The following ARHGAP42 variants were observed in gnomAD, a reference collection of about 807,000 sequenced individuals.
The protein encoded by ARHGAP42 is rho GTPase-activating protein 42.
ARHGAP42 carries 63 observed loss-of-function variants against 125.0 expected under a neutral mutation model. That is an observed-to-expected ratio of 0.50 (90% CI 0.41 to 0.62). The LOEUF is 0.62. ARHGAP42 is among the 20% of genes least tolerant of loss of function. The probability of loss-of-function intolerance (pLI) is 0.00; values close to 1 mark genes in which losing one functional copy is unlikely to be tolerated. For missense variants in ARHGAP42, 766 were observed against 1,024.2 expected (o/e 0.75, Z 3.44); for synonymous variants, 339 against 351.0 (o/e 0.97, Z 0.38).
chr11:100,909,623 C>T (rs1221442350), intron 4 of ARHGAP42, among the ~76,000 whole-genome samples: 1 of 152,106 alleles, frequency 6.6e-6, no homozygotes, highest in Non-Finnish European at 1.5e-5. Flanking sequence ...CATGAGCCAC[C>T]GGCATCCAGC....
chr11:100,690,423 A>G lies in ARHGAP42; in HGVS notation c.154+2591A>G, dbSNP rs116419292. Reference sequence around the variant, plus strand: ...GTAATACACGCCTGACTATTCCAATAAGAGTCACACATGCTCCTTGCTCTG... The same window carrying G: ...GTAATACACGCCTGACTATTCCAATGAGAGTCACACATGCTCCTTGCTCTG... On this transcript the variant is annotated intron_variant, in intron 1 of 23. Transcript: ENST00000298815. Among the ~76,000 whole-genome samples the G allele has an allele frequency of 9.6e-3, 1,467 of 152,248 alleles. 27 individuals carry two copies. Among genetic ancestry groups the G allele is most frequent in the African/African-American group, 0.033 (1,381 of 41,532 alleles).
intron 1 of ARHGAP42, among the ~76,000 whole-genome samples, chr11:100,756,893 T>C (rs1862591438): frequency 6.6e-6 from 1 of 152,226 alleles, no homozygotes; most frequent in African/African-American, 2.4e-5. Context: ...TGAATGAGTT[T>C]TACTTTGTGC....
chr11:100,835,021 T>TA (rs1864753099), intron 3 of ARHGAP42, among the ~76,000 whole-genome samples: 1 of 152,022 alleles, frequency 6.6e-6, no homozygotes, highest in African/African-American at 2.4e-5. Flanking sequence ...TTCATCTGAG[T>TA]GAAATAATGT....
intron 17 of ARHGAP42, among the ~76,000 whole-genome samples, chr11:100,967,982 A>G (rs576146810): frequency 9.2e-5 from 14 of 152,278 alleles, no homozygotes; most frequent in East Asian, 7.7e-4. Flanking sequence ...TCAACATCCC[A>G]AAGTACTGGG....
chr11:100,970,728 G>A (rs1157551787), intron 17 of ARHGAP42, among the ~76,000 whole-genome samples: 1 of 152,020 alleles, frequency 6.6e-6, no homozygotes, highest in Non-Finnish European at 1.5e-5. Context: ...TAAAATCTTT[G>A]ACCCATTGCT....
chr11:100,691,614 C>T (rs1183765004), intron 1 of ARHGAP42, among the ~76,000 whole-genome samples: 1 of 152,156 alleles, frequency 6.6e-6, no homozygotes, highest in Non-Finnish European at 1.5e-5. Flanking sequence ...CTCCCAGGCT[C>T]AGGTGATCCT....
At chr11:100,909,126 A>T (rs1252735880) in intron 4 of ARHGAP42, among the ~76,000 whole-genome samples, 2 of 151,984 alleles carry the variant, frequency 1.3e-5, no homozygotes, top group Non-Finnish European at 2.9e-5. Flanking sequence ...TAGGTTATGG[A>T]TATTAGCCCT....
intron 3 of ARHGAP42, among the ~76,000 whole-genome samples, chr11:100,828,793 T>A (rs1344723755): frequency 6.6e-6 from 1 of 151,656 alleles, no homozygotes; most frequent in African/African-American, 2.4e-5. Context: ...GCTCAAGTGA[T>A]CCTCCCGCCT....
At chr11:100,831,430 A>T (rs1420247999) in intron 3 of ARHGAP42, among the ~76,000 whole-genome samples, 1 of 152,244 alleles carries the variant, frequency 6.6e-6, no homozygotes, top group Non-Finnish European at 1.5e-5. Context: ...CCACATCGTT[A>T]GGATATTATA....
At chr11:100,986,091 ATAC>A (rs1858671999) in intron 22 of ARHGAP42, 1 of 456,596 alleles carries the variant, frequency 2.2e-6, no homozygotes, top group African/African-American at 2.0e-5. Context: ...TTCCTGAGTT[ATAC>A]TACTAAGCAT....
chr11:100,747,013 C>A (rs1862321871), intron 1 of ARHGAP42, among the ~76,000 whole-genome samples: 1 of 152,078 alleles, frequency 6.6e-6, no homozygotes, highest in African/African-American at 2.4e-5. Flanking sequence ...AGGGTCCTTC[C>A]CAGGCTGGCT....
At chr11:100,769,531 C>T (rs1862919768) in intron 1 of ARHGAP42, among the ~76,000 whole-genome samples, 1 of 152,088 alleles carries the variant, frequency 6.6e-6, no homozygotes, top group Non-Finnish European at 1.5e-5. Context: ...TAACTTGAGT[C>T]TCAAAGTTAT....
chr11:100,936,177 G>T, intron 7 of ARHGAP42, 26 bp from the exon 8 acceptor site: 1 of 1,549,866 alleles, frequency 6.5e-7, no homozygotes, highest in Non-Finnish European at 8.7e-7. Context: ...AATAATGACT[G>T]AAATTATTGT....
intron 4 of ARHGAP42, among the ~76,000 whole-genome samples, chr11:100,911,479 T>A (rs994891251): frequency 3.9e-5 from 6 of 152,082 alleles, no homozygotes; most frequent in African/African-American, 1.4e-4. Flanking sequence ...AAAGTAGATA[T>A]AATTTGAATG....
At chr11:100,873,824 G>T (rs568755507) in intron 4 of ARHGAP42, among the ~76,000 whole-genome samples, 1 of 152,228 alleles carries the variant, frequency 6.6e-6, no homozygotes, top group Non-Finnish European at 1.5e-5. Context: ...ACCAGAGCAG[G>T]GATTGAACGC....
At chr11:100,694,666 A>G (rs928108209) in intron 1 of ARHGAP42, among the ~76,000 whole-genome samples, 1 of 152,180 alleles carries the variant, frequency 6.6e-6, no homozygotes, top group African/African-American at 2.4e-5. Flanking sequence ...TCCTTATAGT[A>G]TAGCTCCAGT....
At chr11:100,777,266 G>C (rs1863152396) in intron 2 of ARHGAP42, among the ~76,000 whole-genome samples, 1 of 152,176 alleles carries the variant, frequency 6.6e-6, no homozygotes, top group African/African-American at 2.4e-5. Context: ...CTTTGCCAAG[G>C]TGCAAATATT....
chr11:100,907,629 G>T (rs1866775320), intron 4 of ARHGAP42, among the ~76,000 whole-genome samples: 2 of 152,142 alleles, frequency 1.3e-5, no homozygotes, highest in Admixed American at 1.3e-4. Flanking sequence ...TGAGCTTCTG[G>T]ATGCCAAGAT....
intron 3 of ARHGAP42, among the ~76,000 whole-genome samples, chr11:100,810,247 C>T (rs1162117383): frequency 1.3e-5 from 2 of 151,370 alleles, no homozygotes; most frequent in African/African-American, 4.9e-5. Context: ...AACAGAAAAC[C>T]AATCAATGAG....
Sources: gnomAD v4.1 joint callset for allele counts (sites outside exome capture counted in the v4.1 genomes callset) on GRCh38, gnomAD v4.1.1 for gene constraint, MANE v1.5 for transcripts, NCBI Gene and HGNC (gene_info 2026-07-23, HGNC 2026-07-21) for gene names.